Variants in CTNND2 observed in about 807,000 individuals in gnomAD.
The protein encoded by CTNND2 is catenin delta 2.
A neutral mutation model predicts 144.4 loss-of-function variants in CTNND2; 22 were observed. The observed-to-expected ratio is 0.15, with a 90% CI of 0.11 to 0.22. CTNND2 has a LOEUF of 0.22. Among genes scored for constraint, CTNND2 ranks in the 10% least tolerant of loss-of-function variants. The probability of loss-of-function intolerance (pLI) is 1.00; values close to 1 mark genes in which losing one functional copy is unlikely to be tolerated. For missense variants in CTNND2, 1,353 were observed against 1,618.8 expected (o/e 0.84, Z 2.82); for synonymous variants, 751 against 695.6 (o/e 1.08, Z -1.25).
At chr5:11,596,082 G>A (rs78806368) in intron 2 of CTNND2, among the ~76,000 whole-genome samples, 327 of 152,230 alleles carry the variant, frequency 2.1e-3, no homozygotes, top group African/African-American at 7.6e-3. Context: ...TAACAAATTG[G>A]GAGTCTCTTT....
chr5:11,443,236 ATGTG>A (rs142482923), intron 3 of CTNND2, among the ~76,000 whole-genome samples: 28 of 79,376 alleles, frequency 3.5e-4, no homozygotes, highest in East Asian at 6.5e-4. Flanking sequence ...TGTGTGTGTG[ATGTG>A]TGTGTGTGTG....
chr5:11,184,709 C>T (rs1735440343), intron 11 of CTNND2, among the ~76,000 whole-genome samples: 1 of 152,096 alleles, frequency 6.6e-6, no homozygotes, highest in African/African-American at 2.4e-5. Flanking sequence ...ATTATTTTGT[C>T]TCATCAACGA....
intron 12 of CTNND2, among the ~76,000 whole-genome samples, chr5:11,132,127 C>T (rs1204415268): frequency 1.3e-5 from 2 of 152,314 alleles, no homozygotes; most frequent in East Asian, 1.9e-4. Flanking sequence ...GTGCAATTCT[C>T]CAGCCCCTCT....
At chr5:11,113,417 T>C (rs1412170684) in intron 13 of CTNND2, among the ~76,000 whole-genome samples, 5 of 152,150 alleles carry the variant, frequency 3.3e-5, no homozygotes, top group Non-Finnish European at 7.3e-5. Flanking sequence ...GCTGCTTTCA[T>C]GGTACAATGC....
chr5:11,343,435 C>T (rs982287144), intron 9 of CTNND2, among the ~76,000 whole-genome samples: 6 of 152,288 alleles, frequency 3.9e-5, no homozygotes, highest in East Asian at 1.9e-4. Flanking sequence ...AATAAGCAAT[C>T]GATCAGGGAT....
chr5:11,834,167 C>T (rs753188392), intron 1 of CTNND2, among the ~76,000 whole-genome samples: 7 of 152,102 alleles, frequency 4.6e-5, no homozygotes, highest in Non-Finnish European at 7.4e-5. Context: ...TAAAAAAGGG[C>T]TTGCATTCTT....
chr5:11,561,730 G>A (rs1412297966), intron 3 of CTNND2, among the ~76,000 whole-genome samples: 1 of 152,126 alleles, frequency 6.6e-6, no homozygotes, highest in Non-Finnish European at 1.5e-5. Flanking sequence ...AAGTTGAAAT[G>A]TTGATGTGAC....
At chr5:11,659,811 T>C (rs1042032132) in intron 2 of CTNND2, among the ~76,000 whole-genome samples, 1 of 152,160 alleles carries the variant, frequency 6.6e-6, no homozygotes. Flanking sequence ...ATTTGTCTAG[T>C]TTTATAACTA....
At chr5:11,055,248 G>A (rs865795669) in intron 16 of CTNND2, among the ~76,000 whole-genome samples, 21 of 152,300 alleles carry the variant, frequency 1.4e-4, no homozygotes, top group African/African-American at 4.8e-4. Context: ...TGGCATAAAG[G>A]TTACTTTAAA....
intron 9 of CTNND2, among the ~76,000 whole-genome samples, chr5:11,281,791 T>C (rs893248013): frequency 2.0e-5 from 3 of 152,284 alleles, no homozygotes; most frequent in Admixed American, 6.5e-5. Flanking sequence ...ACCAGGCAGA[T>C]TGGGTGACGG....
intron 9 of CTNND2, among the ~76,000 whole-genome samples, chr5:11,275,180 C>T (rs1189846917): frequency 6.6e-6 from 1 of 152,142 alleles, no homozygotes; most frequent in Non-Finnish European, 1.5e-5. Context: ...TCACACAATG[C>T]TATGGGGTAG....
intron 9 of CTNND2, among the ~76,000 whole-genome samples, chr5:11,257,003 C>A (rs1744321151): frequency 1.3e-5 from 2 of 152,152 alleles, no homozygotes; most frequent in Admixed American, 6.5e-5. Context: ...CCCTGGGGAG[C>A]AAAATTATCT....
Position 11,230,902 on chromosome 5 carries a change from A to C in CTNND2, c.1761+5789T>G, listed in dbSNP as rs570361381. ...TAGTCACTGGAGATTGCTGAGCTAG[A>C]TCCCACCCAGCCCTCCCTCCTCAGT... On this transcript the variant is annotated intron_variant, in intron 10 of 21. Transcript: ENST00000304623. Among the ~76,000 whole-genome samples the C allele has an allele frequency of 2.6e-4, 39 of 152,238 alleles. No homozygotes were observed. The South Asian group carries it at 8.1e-3, about 32-fold the overall frequency.
chr5:11,140,049 G>A (rs952247925), intron 12 of CTNND2, among the ~76,000 whole-genome samples: 1 of 152,102 alleles, frequency 6.6e-6, no homozygotes, highest in African/African-American at 2.4e-5. Flanking sequence ...CAGCATAATC[G>A]CCCTATTTTA....
intron 3 of CTNND2, among the ~76,000 whole-genome samples, chr5:11,421,109 C>T (rs1207475097): frequency 6.6e-6 from 1 of 152,088 alleles, no homozygotes; most frequent in Admixed American, 6.6e-5. Flanking sequence ...TCTGAAGAAC[C>T]TCTAACTTCA....
chr5:11,794,822 G>A (rs528630515), intron 1 of CTNND2, among the ~76,000 whole-genome samples: 1 of 152,222 alleles, frequency 6.6e-6, no homozygotes, highest in East Asian at 1.9e-4. Context: ...AGTCTTTCTG[G>A]GTAAGGAATG....
At chr5:11,279,147 C>T (rs1307226762) in intron 9 of CTNND2, among the ~76,000 whole-genome samples, 2 of 152,240 alleles carry the variant, frequency 1.3e-5, no homozygotes, top group East Asian at 1.9e-4. Flanking sequence ...CATGATTGCT[C>T]GGTTCTATAG....
chr5:11,199,747 G>T, intron 10 of CTNND2, 86 bp from the exon 11 acceptor site: 1 of 978,978 alleles, frequency 1.0e-6, no homozygotes, highest in Non-Finnish European at 1.6e-6. Context: ...TAAAGTATCT[G>T]CTAACAATTA....
chr5:11,847,802 CTA>C (rs1581996695), intron 1 of CTNND2, among the ~76,000 whole-genome samples: 1 of 151,906 alleles, frequency 6.6e-6, no homozygotes, highest in Non-Finnish European at 1.5e-5. Flanking sequence ...AAGAAATTAA[CTA>C]TGTGAAACAA....
Sources: allele counts gnomAD v4.1 joint callset (sites outside exome capture counted in the v4.1 genomes callset), GRCh38; gene constraint gnomAD v4.1.1; transcripts MANE v1.5; gene names NCBI Gene and HGNC (gene_info 2026-07-23, HGNC 2026-07-21).